FAM204A: variants seen among roughly 807,000 people sequenced by gnomAD.
The protein encoded by FAM204A is protein FAM204A.
FAM204A carries 16 observed loss-of-function variants against 35.4 expected under a neutral mutation model. The ratio of observed to expected loss-of-function variants is 0.45; its 90% confidence interval spans 0.31 to 0.69. The LOEUF is 0.69. FAM204A is among the 30% of genes least tolerant of loss of function. The pLI is 0.07. For missense variants in FAM204A, 240 were observed against 265.7 expected (o/e 0.90, Z 0.67); for synonymous variants, 76 against 86.9 (o/e 0.88, Z 0.70).
At chr10:118,314,700 G>A (rs1028887720) in intron 7 of FAM204A, among the ~76,000 whole-genome samples, 1 of 151,926 alleles carries the variant, frequency 6.6e-6, no homozygotes, top group Admixed American at 6.6e-5. Flanking sequence ...AATGGTTTTG[G>A]GTCATCAGAT....
rs146617416 is a variant in FAM204A, at chr10:118,312,652, C to T, written c.544-1339G>A. On this transcript the variant is annotated intron_variant, in intron 7 of 8. Coordinates refer to ENST00000369183, the MANE Select transcript of FAM204A (RefSeq NM_022063.3). Reference sequence around the variant, plus strand: ...GGAAGCTGACAATTGAACTACGGTGCCGAATTGGTCAACATCAACAGGAAA... The same window carrying T: ...GGAAGCTGACAATTGAACTACGGTGTCGAATTGGTCAACATCAACAGGAAA... Among the ~76,000 whole-genome samples the T allele has an allele frequency of 3.3e-3, 499 of 152,186 alleles. 3 individuals carry two copies. Among genetic ancestry groups the T allele is most frequent in the African/African-American group, 0.011 (467 of 41,530 alleles).
At chr10:118,322,236 C>T (rs1381097276) in intron 7 of FAM204A, 5 of 424,706 alleles carry the variant, frequency 1.2e-5, no homozygotes, top group Non-Finnish European at 1.4e-5. Context: ...TCCTAACTCC[C>T]CACAAGACAC....
intron 6 of FAM204A, among the ~76,000 whole-genome samples, chr10:118,333,902 G>GA (rs1564763142): frequency 1.3e-5 from 2 of 152,152 alleles, no homozygotes; most frequent in Non-Finnish European, 2.9e-5. Context: ...AGATGGATCA[G>GA]AAAATGACAA....
rs200241971 is a variant in FAM204A at position 118,335,413 on chromosome 10, A to T, written c.336T>A (p.Asn112Lys). ...RKRSRKDKLK[N>K]EKELHSEPSS... The stretch of plus-strand genomic sequence containing the variant: ...CTACCTACCTATGTAATTCTTTTTC[A>T]TTCTTCAATTTATCTGAAAAGAATT... The change falls in exon 5 of 9, where the codon AAT (asparagine) becomes AAA (lysine). Residue 112 changes from asparagine to lysine, a missense_variant. Asn to Lys is a moderately conservative substitution (Grantham distance 94). Coordinates refer to ENST00000369183, the MANE Select transcript of FAM204A (RefSeq NM_022063.3). The T allele has an allele frequency of 6.3e-7, 1 of 1,593,938 alleles. No homozygotes were observed. Among genetic ancestry groups the T allele is most frequent in the African/African-American group, 1.3e-5 (1 of 74,134 alleles).
chr10:118,311,558 G>T, intron 7 of FAM204A: 1 of 369,738 alleles, frequency 2.7e-6, no homozygotes. Context: ...CTCAAACTGA[G>T]GCCCCTCGAG....
In FAM204A at chr10:118,309,139, A is replaced by C. The variant is rs554851376; in HGVS notation, c.*1718T>G. 1 of 152,340 alleles carries C rather than the reference A, an allele frequency of 6.6e-6. No individual in the cohort carries two copies. Among genetic ancestry groups the C allele is most frequent in the South Asian group, 2.1e-4 (1 of 4,826 alleles). The allele number at this position is 152,340 out of a possible 1,614,324, so 9.4% of individuals were successfully genotyped here. Reference sequence around the variant, plus strand: ...AAGTTTTACATGATCATATCTGTAAAATGGAACAAGGGATATTAAATCATA... The same window carrying C: ...AAGTTTTACATGATCATATCTGTAACATGGAACAAGGGATATTAAATCATA... On this transcript the variant is annotated 3_prime_UTR_variant, in exon 9 of 9. Transcript: ENST00000369183.
In FAM204A at chr10:118,303,647, A is replaced by G. The variant is rs564248202; in HGVS notation, c.*7210T>C. 1 of 152,428 alleles carries G rather than the reference A, an allele frequency of 6.6e-6. No individual in the cohort carries two copies. Among genetic ancestry groups the G allele is most frequent in the East Asian group, 1.9e-4 (1 of 5,168 alleles). The allele number at this position is 152,428 out of a possible 1,614,324, so 9.4% of individuals were successfully genotyped here. A position where few individuals can be genotyped will look rare whatever the true frequency, so the allele number is the denominator to read the frequency against. Reference sequence around the variant, plus strand: ...GCCAACATAGTGAAACCCTGTCTCTACTAAAAATACAAAAATTAGCTGGGC... The same window carrying G: ...GCCAACATAGTGAAACCCTGTCTCTGCTAAAAATACAAAAATTAGCTGGGC... On this transcript the variant is annotated 3_prime_UTR_variant, in exon 9 of 9. Coordinates refer to ENST00000369183, the MANE Select transcript of FAM204A (RefSeq NM_022063.3).
chr10:118,328,185 C>T (rs372230298), intron 6 of FAM204A, among the ~76,000 whole-genome samples: 7 of 152,280 alleles, frequency 4.6e-5, no homozygotes, highest in African/African-American at 1.7e-4. Flanking sequence ...ATTCTACTCC[C>T]TGATACAATT....
In FAM204A at chr10:118,341,781, C is replaced by A. The variant is rs751382332; in HGVS notation, c.-63G>T. ...AGAAAGGTACACCGTTCCTGCTTGG[C>A]TGCACAACCCGGAATTCTGCAGGCT... On this transcript the variant is annotated 5_prime_UTR_variant, in exon 2 of 9. Transcript: ENST00000369183. 5 of 152,200 alleles carry A rather than the reference C, an allele frequency of 3.3e-5. No homozygotes were observed. Among genetic ancestry groups the A allele is most frequent in the Non-Finnish European group, 7.3e-5 (5 of 68,132 alleles). The allele number at this position is 152,200 out of a possible 1,614,324, so 9.4% of individuals were successfully genotyped here.
intron 6 of FAM204A, among the ~76,000 whole-genome samples, chr10:118,332,173 G>GGAAAAAAAAAA (rs537364706): frequency 7.4e-5 from 4 of 54,158 alleles, no homozygotes; most frequent in African/African-American, 2.6e-4. Context: ...CTCTGTTTCA[G>GGAAAAAAAAAA]AAAAAAAAAA....
chr10:118,335,485 A>T (rs982413263), intron 4 of FAM204A, 59 bp from the exon 5 acceptor site: 26 of 1,595,028 alleles, frequency 1.6e-5, no homozygotes, highest in Admixed American at 3.6e-5. Flanking sequence ...ACCATATTTT[A>T]AAAAAATGGT....
Position 118,306,637 on chromosome 10 carries a change from C to T in FAM204A, c.*4220G>A, listed in dbSNP as rs1364968526. The T allele has an allele frequency of 6.6e-6, 1 of 152,184 alleles. No homozygotes were observed. The highest frequency in any genetic ancestry group is 2.4e-5 in the African/African-American group (1 of 41,448). The allele number at this position is 152,184 out of a possible 1,614,324, so 9.4% of individuals were successfully genotyped here. A position where few individuals can be genotyped will look rare whatever the true frequency, so the allele number is the denominator to read the frequency against. ...AATGTGGCAGGAAGCTACTCTGAAGCATCTCTGTATTTGAAGAAATTCCGG... is the reference window on the plus strand; with the variant it reads ...AATGTGGCAGGAAGCTACTCTGAAGTATCTCTGTATTTGAAGAAATTCCGG... On this transcript the variant is annotated 3_prime_UTR_variant, in exon 9 of 9. Coordinates refer to ENST00000369183, the MANE Select transcript of FAM204A (RefSeq NM_022063.3).
Position 118,326,219 on chromosome 10 carries a change from G to C in FAM204A, c.478C>G (p.Gln160Glu). The change falls in exon 7 of 9, where the codon CAG becomes GAG. Residue 160 changes from glutamine (Q) to glutamate (E), a missense_variant. Transcript: ENST00000369183. Reference sequence around the variant, plus strand: ...TCAATATTCCACTCCTCCACAGCCTGGTCTATCCTCTTTTCAAGGCCTGAC... The same window carrying C: ...TCAATATTCCACTCCTCCACAGCCTCGTCTATCCTCTTTTCAAGGCCTGAC... ...EKSGLEKRIDQAVEEWNIEKA... is the reference protein window; with the variant it reads ...EKSGLEKRIDEAVEEWNIEKA... 6.8e-6 allele frequency: 11 copies of C among 1,613,280 alleles called. No homozygotes were observed. The highest frequency in any genetic ancestry group is 9.3e-6 in the Non-Finnish European group (11 of 1,179,622).
chr10:118,338,905 T>A (rs1165077047), intron 2 of FAM204A, among the ~76,000 whole-genome samples: 2 of 152,208 alleles, frequency 1.3e-5, no homozygotes, highest in Admixed American at 1.3e-4. Flanking sequence ...TAGTTAGGCA[T>A]TTTTTATGGC....
chr10:118,309,068 A>C lies in FAM204A; in HGVS notation c.*1789T>G, dbSNP rs1845908053. ...TTAGAGGAAAGGTTTCTATACTAAA[A>C]GTCTGTATTTACCTAATTTAGCAGT... is the stretch of plus-strand genomic sequence containing the variant. On this transcript the variant is annotated 3_prime_UTR_variant, in exon 9 of 9. Coordinates refer to ENST00000369183, the MANE Select transcript of FAM204A (RefSeq NM_022063.3). 1 of 152,238 alleles carries C rather than the reference A, an allele frequency of 6.6e-6. No homozygotes were observed. The allele number at this position is 152,238 out of a possible 1,614,324, so 9.4% of individuals were successfully genotyped here.
chr10:118,304,041 T>C lies in FAM204A; in HGVS notation c.*6816A>G, dbSNP rs191381257. 3.3e-5 allele frequency: 5 copies of C among 152,304 alleles called. No homozygotes were observed. The East Asian group carries it at 5.8e-4, about 18-fold the overall frequency. 9.4% of individuals were successfully genotyped at this position (152,304 alleles called of 1,614,324 possible). On this transcript the variant is annotated 3_prime_UTR_variant, in exon 9 of 9. Coordinates refer to ENST00000369183, the MANE Select transcript of FAM204A (RefSeq NM_022063.3). ...CCAACCTAAGATTGCAATTGCACCA[T>C]CTATTGCAATTCTGGTCTGGATGTC...
chr10:118,314,667 G>T lies in FAM204A; in HGVS notation c.544-3354C>A, dbSNP rs535938834. On this transcript the variant is annotated intron_variant, in intron 7 of 8. Transcript: ENST00000369183. ...CTCAATGTAAACATCACAAAAGCTT[G>T]GTCAATGGTTTAATATTTAAAAAAT... Among the ~76,000 whole-genome samples the T allele has an allele frequency of 5.3e-5, 8 of 152,160 alleles. No individual in the cohort carries two copies. The South Asian group carries it at 6.2e-4, about 12-fold the overall frequency.
chr10:118,327,598 C>T (rs975295813), intron 6 of FAM204A, among the ~76,000 whole-genome samples: 3 of 152,192 alleles, frequency 2.0e-5, no homozygotes, highest in African/African-American at 7.2e-5. Flanking sequence ...TTCTGCAGAA[C>T]TCTTCTCCTG....
chr10:118,336,103 C>T, intron 3 of FAM204A, 79 bp downstream of exon 3: 2 of 1,508,478 alleles, frequency 1.3e-6, no homozygotes, highest in Non-Finnish European at 1.8e-6. Flanking sequence ...AATACATGCA[C>T]ATTCTGACCA....
Sources: allele counts gnomAD v4.1 joint callset (sites outside exome capture counted in the v4.1 genomes callset), GRCh38; gene constraint gnomAD v4.1.1; transcripts MANE v1.5; gene names NCBI Gene and HGNC (gene_info 2026-07-23, HGNC 2026-07-21).